The following MZT2A variants were observed in gnomAD, a reference collection of about 807,000 sequenced individuals.
MZT2A encodes mitotic spindle organizing protein 2A, also known as mitotic-spindle organizing protein 2A.
MZT2A carries 8 observed loss-of-function variants against 12.4 expected under a neutral mutation model. The observed-to-expected ratio is 0.64, with a 90% confidence interval of 0.38 to 1.16. MZT2A has a LOEUF of 1.16. MZT2A is among the 50% of genes most tolerant of loss of function. The pLI, the probability that MZT2A is intolerant of heterozygous loss-of-function variation, is 0.01. For synonymous variants in MZT2A, 88 were observed against 107.5 expected (o/e 0.82, Z 1.12); for missense variants, 181 against 223.6 (o/e 0.81, Z 1.22).
chr2:131,491,579 G>A (rs1207559264), intron 2 of MZT2A: 3 of 536,154 alleles, frequency 5.6e-6, no homozygotes, highest in Non-Finnish European at 9.8e-6. Context: ...CTTGATTCCC[G>A]ACTTTGTAGG....
downstream of MZT2A, among the ~76,000 whole-genome samples, chr2:131,483,219 T>C (rs377675036): frequency 2.0e-5 from 3 of 152,220 alleles, no homozygotes; most frequent in East Asian, 5.8e-4. Context: ...TGGGTCATGC[T>C]GGCTAAAAGG....
At chr2:131,485,360 G>T (rs990573282) in intron 2 of MZT2A, among the ~76,000 whole-genome samples, 16 of 152,120 alleles carry the variant, frequency 1.1e-4, no homozygotes, top group Non-Finnish European at 2.4e-4. Flanking sequence ...TTGTTGCCTG[G>T]AACACTGAAA....
At chr2:131,482,968 A>G (rs1678913216), downstream of MZT2A, 3 of 1,495,230 alleles carry the variant, frequency 2.0e-6, no homozygotes, top group South Asian at 4.1e-5. Flanking sequence ...AGCTCTGCCT[A>G]CAGGAGCCGG....
upstream of MZT2A, chr2:131,492,915 T>A: frequency 6.6e-7 from 1 of 1,515,148 alleles, no homozygotes; most frequent in Non-Finnish European, 8.9e-7. Context: ...TAAGGACCAC[T>A]CCCTCCCCCC....
At position 131,484,676 on chromosome 2, in the gene MZT2A, G is replaced by A. The variant is rs1233622118; in HGVS notation, c.320-458C>T. Reference sequence around the variant, plus strand: ...ATCTGAGCTGCCCCAGATGGTGACAGGCAGGAAGTACTGCAGTCACCAAGT... The same window carrying A: ...ATCTGAGCTGCCCCAGATGGTGACAAGCAGGAAGTACTGCAGTCACCAAGT... On this transcript the variant is annotated intron_variant, in intron 2 of 2. Transcript: ENST00000309451. Among the ~76,000 whole-genome samples, 16 of 152,232 alleles carry A rather than the reference G, an allele frequency of 1.1e-4. No homozygotes were observed. In the East Asian group the frequency reaches 3.1e-3, roughly 29 times the overall value.
rs141653369 is a variant in MZT2A at position 131,490,595 on chromosome 2, G to A, written c.319+1281C>T. ...CCCTGTGGCTAAGCGGCAGGGCAGC[G>A]GTGGCCTGCATGATCCTGCCCTTGC... On this transcript the variant is annotated intron_variant, in intron 2 of 2. Coordinates refer to ENST00000309451, the MANE Select transcript of MZT2A (RefSeq NM_001085365.2). 1.0e-3 allele frequency: 1,543 copies of A among 1,542,996 alleles called. 16 individuals carry two copies. In the African/African-American group the frequency reaches 0.018, roughly 18 times the overall value.
At chr2:131,482,670 A>C, downstream of MZT2A, 1 of 1,568,824 alleles carries the variant, frequency 6.4e-7, no homozygotes. Context: ...GCCCGCCTGG[A>C]CCATAAGTTC....
In MZT2A at chr2:131,484,165, T is replaced by C; in HGVS notation, c.373A>G (p.Ser125Gly). The C allele has an allele frequency of 1.9e-6, 3 of 1,614,138 alleles. No individual in the cohort carries two copies. Among genetic ancestry groups the C allele is most frequent in the Non-Finnish European group, 2.5e-6 (3 of 1,180,002 alleles). ...CTCTGGCTGGATCCCTCGTGGTTGCTGCGTTCCGCCAGGGCCAATACTCCC... is the reference window on the plus strand; with the variant it reads ...CTCTGGCTGGATCCCTCGTGGTTGCCGCGTTCCGCCAGGGCCAATACTCCC... ...LGGVLALAERSNHEGSSQRMP... is the reference protein window; with the variant it reads ...LGGVLALAERGNHEGSSQRMP... The change falls in exon 3 of 3, where the codon AGC (serine) becomes GGC (glycine). Residue 125 changes from serine to glycine, a missense_variant. Around this residue, in one of 3 missense-constraint regions of MZT2A, gnomAD observed 72 missense variants for 76.9 expected, o/e 0.94. Transcript: ENST00000309451.
chr2:131,492,331 G>T lies in MZT2A; in HGVS notation c.46C>A (p.Pro16Thr). 9 of 1,510,700 alleles carry T rather than the reference G, an allele frequency of 6.0e-6. No individual in the cohort carries two copies. Among genetic ancestry groups the T allele is most frequent in the Non-Finnish European group, 7.9e-6 (9 of 1,138,054 alleles). The allele number at this position is 1,510,700 out of a possible 1,614,324, so 93.6% of individuals were successfully genotyped here. A position where few individuals can be genotyped will look rare whatever the true frequency, so the allele number is the denominator to read the frequency against. ...VGPGPGSAAP[P>T]GLEAARQKLA... The stretch of plus-strand genomic sequence containing the variant: ...TTCTGCCGGGCCGCCTCCAGCCCCG[G>T]GGGCGCCGCCGACCCCGGCCCAGGC... Residue 16 changes from proline to threonine, a missense_variant, in exon 1 of 3, where the codon CCG becomes ACG. By Grantham distance (38) the Pro-to-Thr change is conservative. Transcript: ENST00000309451.
downstream of MZT2A, among the ~76,000 whole-genome samples, chr2:131,482,204 A>T (rs1299411759): frequency 6.6e-6 from 1 of 152,188 alleles, no homozygotes; most frequent in Admixed American, 6.5e-5. Context: ...GGGTGGAAGA[A>T]GTTTAGCTAC....
intron 3 of MZT2A, among the ~76,000 whole-genome samples, chr2:131,471,500 T>C (rs1039401076): frequency 1.3e-4 from 19 of 148,522 alleles, no homozygotes; most frequent in Non-Finnish European, 2.2e-4. Context: ...GTTATTACTA[T>C]ACTTAATGGC....
In MZT2A at chr2:131,484,219, C is replaced by T. The variant is rs373048571; in HGVS notation, c.320-1G>A. On this transcript the variant is annotated splice_acceptor_variant, in intron 2 of 2. Transcript: ENST00000309451. LOFTEE classifies it high-confidence loss of function. The stretch of plus-strand genomic sequence containing the variant: ...AGGGCAGCGCTGCCTTTGTCTCTCC[C>T]TAAGGAGACACAAAGCACAATGATT... The T allele has an allele frequency of 6.2e-7, 1 of 1,613,252 alleles. No individual in the cohort carries two copies. The highest frequency in any genetic ancestry group is 1.3e-5 in the African/African-American group (1 of 74,912).
At chr2:131,493,165 G>C (rs1292340153), upstream of MZT2A, 2 of 1,432,980 alleles carry the variant, frequency 1.4e-6, no homozygotes, top group Admixed American at 2.9e-5. Context: ...ACGCGCGCGT[G>C]AGACGGTCCG....
chr2:131,474,405 C>CTTTTT (rs70994777), intron 2 of MZT2A, among the ~76,000 whole-genome samples: 19 of 94,834 alleles, frequency 2.0e-4, no homozygotes, highest in African/African-American at 4.6e-4. Flanking sequence ...TCTTCTTCTT[C>CTTTTT]TTTTTTTTTT....
At chr2:131,471,748 G>A (rs1482493957) in intron 3 of MZT2A, among the ~76,000 whole-genome samples, 2 of 151,270 alleles carry the variant, frequency 1.3e-5, no homozygotes, top group Non-Finnish European at 2.9e-5. Context: ...CAGAATGGGC[G>A]GGGCTGGGGG....
downstream of MZT2A, among the ~76,000 whole-genome samples, chr2:131,483,737 CA>C (rs962400178): frequency 7.5e-5 from 9 of 120,586 alleles, no homozygotes; most frequent in African/African-American, 4.0e-4. Context: ...AACAAACAAA[CA>C]AAAAACCTCC....
At chr2:131,472,213 T>C in intron 2 of MZT2A, 2 of 1,278,864 alleles carry the variant, frequency 1.6e-6, no homozygotes, top group Non-Finnish European at 2.0e-6. Flanking sequence ...GAGGAAATAA[T>C]TTGTGTTACT....
chr2:131,480,655 G>A, downstream of MZT2A: 1 of 1,613,806 alleles, frequency 6.2e-7, no homozygotes, highest in Non-Finnish European at 8.5e-7. Flanking sequence ...TTGTACAGGG[G>A]GGACGTGGTC....
In MZT2A at chr2:131,476,985, G is replaced by A. The variant is rs148745976; in HGVS notation, c.279-4803C>T. Among the ~76,000 whole-genome samples the A allele has an allele frequency of 8.7e-3, 1,249 of 143,510 alleles. 28 individuals are homozygous for A. The highest frequency in any genetic ancestry group is 0.034 in the African/African-American group (1,182 of 34,804). 94.1% of individuals were successfully genotyped at this position (143,510 alleles called of 152,430 possible). ...AACATAACAGATTCCCAAGTCCCAA[G>A]TCTGAATAGCTGTGGTTTGTCAGTT... On this transcript the variant is annotated intron_variant and NMD_transcript_variant, in intron 2 of 4. Coordinates refer to the MZT2A transcript ENST00000427024.
Sources: gnomAD v4.1 joint callset for allele counts (sites outside exome capture counted in the v4.1 genomes callset) on GRCh38, gnomAD v4.1.1 for gene constraint, gnomAD v4.1.1 regional missense constraint, MANE v1.5 for transcripts, NCBI Gene and HGNC (gene_info 2026-07-23, HGNC 2026-07-21) for gene names.